Variants in ANK3 observed in about 807,000 individuals in gnomAD.
ANK3 encodes the protein ankyrin-3.
A neutral mutation model predicts 370.9 loss-of-function variants in ANK3; 57 were observed. The ratio of observed to expected loss-of-function variants is 0.15; its 90% CI spans 0.12 to 0.19. The LOEUF is 0.19. Ranked by LOEUF, ANK3 falls within the 10% of genes least tolerant of loss-of-function variation. ANK3 has a pLI of 1.00. For missense variants in ANK3, 4,439 were observed against 5,302.1 expected, an observed-to-expected ratio of 0.84 and a Z score of 5.06; for synonymous variants, 1,929 against 1,946.3, an observed-to-expected ratio of 0.99 and a Z score of 0.23.
intron 43 of ANK3, 77 bp downstream of exon 43, chr10:60,042,595 A>G (rs2393604): frequency 5.8e-6 from 8 of 1,370,096 alleles, no homozygotes; most frequent in Non-Finnish European, 8.1e-6. Flanking sequence ...GGGGAAAATC[A>G]GAATCACTTA....
At chr10:60,611,118 C>A (rs1035668072) in intron 2 of ANK3, among the ~76,000 whole-genome samples, 1 of 152,148 alleles carries the variant, frequency 6.6e-6, no homozygotes, top group Non-Finnish European at 1.5e-5. Context: ...ATTTGCATTT[C>A]TAACACATTT....
rs71467087 is a variant in ANK3 at position 60,027,286 on chromosome 10, GTTTTTT to G, written c.*2554_*2559del. ...CTTTACAGAGAGGCATTTTGGGAAA[GTTTTTT>G]TTTTTTTTTTTTTTTAAAAAAAAAA... On this transcript the variant is annotated 3_prime_UTR_variant, in exon 44 of 44. Transcript: ENST00000280772. The G allele has an allele frequency of 9.4e-6, 1 of 105,996 alleles. No homozygotes were observed. Among genetic ancestry groups the G allele is most frequent in the African/African-American group, 3.6e-5 (1 of 27,490 alleles). The allele number at this position is 105,996 out of a possible 1,614,324, so 6.6% of individuals were successfully genotyped here. A position where few individuals can be genotyped will look rare whatever the true frequency, so the allele number is the denominator to read the frequency against.
At chr10:60,530,162 A>T (rs2076571572) in intron 2 of ANK3, among the ~76,000 whole-genome samples, 1 of 152,144 alleles carries the variant, frequency 6.6e-6, no homozygotes, top group Admixed American at 6.6e-5. Context: ...TGTTGGGTAG[A>T]TTTTTAGGAG....
chr10:60,504,573 T>C (rs1237326835), intron 2 of ANK3, among the ~76,000 whole-genome samples: 1 of 152,180 alleles, frequency 6.6e-6, no homozygotes. Context: ...TAAACAAATG[T>C]GTTTGGGATA....
chr10:60,502,906 CAGAA>C (rs2075841865), intron 2 of ANK3, among the ~76,000 whole-genome samples: 1 of 147,410 alleles, frequency 6.8e-6, no homozygotes, highest in South Asian at 2.2e-4. Context: ...GAGAACAAGA[CAGAA>C]AGAAAAAGAA....
At chr10:60,648,753 G>A in intron 1 of ANK3, among the ~76,000 whole-genome samples, 2 of 123,960 alleles carry the variant, frequency 1.6e-5, no homozygotes, top group East Asian at 2.4e-4. Flanking sequence ...CTGGGTGACA[G>A]AATAAGACTG....
intron 23 of ANK3, among the ~76,000 whole-genome samples, chr10:60,142,535 A>T (rs1220524422): frequency 6.6e-6 from 1 of 151,662 alleles, no homozygotes; most frequent in African/African-American, 2.4e-5. Context: ...TATCTTTTAA[A>T]TCTACATGTC....
At chr10:60,163,675 A>T (rs2095552523) in intron 23 of ANK3, among the ~76,000 whole-genome samples, 1 of 152,138 alleles carries the variant, frequency 6.6e-6, no homozygotes, top group African/African-American at 2.4e-5. Flanking sequence ...CTTCCTTAAT[A>T]TTTATTTTAC....
intron 2 of ANK3, among the ~76,000 whole-genome samples, chr10:60,496,796 T>A (rs531638502): frequency 9.4e-5 from 14 of 149,396 alleles, no homozygotes; most frequent in African/African-American, 3.4e-4. Context: ...CATGGTAAGG[T>A]TGAACTGCTT....
At chr10:60,339,759 G>A (rs1261530404) in intron 1 of ANK3, among the ~76,000 whole-genome samples, 1 of 152,190 alleles carries the variant, frequency 6.6e-6, no homozygotes, top group Non-Finnish European at 1.5e-5. Flanking sequence ...GAAAACATGA[G>A]TAGAAGTGGA....
chr10:60,410,148 G>A (rs72806163), intron 2 of ANK3, among the ~76,000 whole-genome samples: 1 of 152,250 alleles, frequency 6.6e-6, no homozygotes, highest in East Asian at 1.9e-4. Context: ...TAGTAGGCAG[G>A]CCAGGTGTGG....
intron 1 of ANK3, among the ~76,000 whole-genome samples, chr10:60,342,901 A>T (rs769342223): frequency 2.6e-5 from 4 of 152,212 alleles, no homozygotes; most frequent in Admixed American, 2.0e-4. Flanking sequence ...AACAATTCTC[A>T]TTAGAAACTA....
chr10:60,216,897 G>C (rs2096947121), intron 8 of ANK3, among the ~76,000 whole-genome samples: 1 of 152,046 alleles, frequency 6.6e-6, no homozygotes, highest in South Asian at 2.1e-4. Flanking sequence ...TCTGGGGCCT[G>C]GGCTTTTTTT....
At chr10:60,467,972 A>C (rs1338345768) in intron 2 of ANK3, among the ~76,000 whole-genome samples, 1 of 143,192 alleles carries the variant, frequency 7.0e-6, no homozygotes, top group East Asian at 2.1e-4. Flanking sequence ...AAATGGAAAA[A>C]ACATATAAAA....
At chr10:60,269,788 A>G (rs2097940209) in intron 5 of ANK3, among the ~76,000 whole-genome samples, 1 of 152,182 alleles carries the variant, frequency 6.6e-6, no homozygotes, top group African/African-American at 2.4e-5. Context: ...TTTTATTGAA[A>G]AGATAGTTCA....
intron 2 of ANK3, among the ~76,000 whole-genome samples, chr10:60,484,320 A>G (rs759684894): frequency 1.4e-4 from 22 of 152,214 alleles, no homozygotes; most frequent in Non-Finnish European, 1.8e-4. Context: ...ACAGGCACAA[A>G]TCTAGGGTAT....
intron 2 of ANK3, among the ~76,000 whole-genome samples, chr10:60,468,280 G>A (rs530765261): frequency 5.3e-5 from 8 of 152,066 alleles, no homozygotes; most frequent in African/African-American, 7.2e-5. Context: ...CACCGTGCCC[G>A]GCCTAAAAAC....
At chr10:60,193,624 C>T (rs1446984035) in intron 16 of ANK3, among the ~76,000 whole-genome samples, 1 of 149,634 alleles carries the variant, frequency 6.7e-6, no homozygotes, top group Non-Finnish European at 1.5e-5. Flanking sequence ...CACTACACTC[C>T]AGTCTGGGTG....
intron 2 of ANK3, among the ~76,000 whole-genome samples, chr10:60,493,079 C>CAAAAAA (rs1268736795): frequency 1.2e-4 from 15 of 121,496 alleles, no homozygotes; most frequent in South Asian, 2.7e-4. Flanking sequence ...GACTCCTTCT[C>CAAAAAA]AAAAAAAAAA....
Sources: gnomAD v4.1 joint callset for allele counts (sites outside exome capture counted in the v4.1 genomes callset) on GRCh38, gnomAD v4.1.1 for gene constraint, MANE v1.5 for transcripts, NCBI Gene and HGNC (gene_info 2026-07-23, HGNC 2026-07-21) for gene names.